The following KDM4D variants were observed in gnomAD, a reference collection of about 807,000 sequenced individuals.
The protein encoded by KDM4D is lysine demethylase 4D, also known as lysine-specific demethylase 4D.
For missense variants in KDM4D, 427 were observed against 674.8 expected (o/e 0.63, Z 4.07); for synonymous variants, 254 against 249.1 (o/e 1.02, Z -0.19).
At chr11:94,989,155 T>A (rs1294124537) in intron 2 of KDM4D, among the ~76,000 whole-genome samples, 1 of 152,120 alleles carries the variant, frequency 6.6e-6, no homozygotes, top group Non-Finnish European at 1.5e-5. Context: ...TAAAGAAAAA[T>A]TTATACATGT....
intron 2 of KDM4D, among the ~76,000 whole-genome samples, chr11:94,980,332 G>C (rs1857833243): frequency 6.6e-6 from 1 of 152,120 alleles, no homozygotes; most frequent in Non-Finnish European, 1.5e-5. Context: ...AAATCCGATG[G>C]AGCAGATATT....
intron 1 of KDM4D, among the ~76,000 whole-genome samples, chr11:94,975,022 C>T (rs1345425000): frequency 6.6e-6 from 1 of 152,236 alleles, no homozygotes; most frequent in Admixed American, 6.5e-5. Context: ...TTCCTGCCTA[C>T]CTTCCAGACT....
intron 2 of KDM4D, among the ~76,000 whole-genome samples, chr11:94,978,074 G>A (rs1818797070): frequency 6.6e-6 from 1 of 152,068 alleles, no homozygotes; most frequent in South Asian, 2.1e-4. Context: ...TTTCGGGAGA[G>A]AATCTCTAAA....
At chr11:94,975,876 T>C (rs1185876767) in intron 2 of KDM4D, 128 bp downstream of exon 2, 2 of 152,176 alleles carry the variant, frequency 1.3e-5, no homozygotes, top group Non-Finnish European at 2.9e-5. Flanking sequence ...ACTGTCCTCA[T>C]TAGCCTGGAG....
intron 2 of KDM4D, among the ~76,000 whole-genome samples, chr11:94,993,080 AACTT>A (rs1233006796): frequency 5.9e-5 from 9 of 152,108 alleles, no homozygotes; most frequent in Non-Finnish European, 1.3e-4. Flanking sequence ...GGGACTGTTA[AACTT>A]ACTCAGCTTC....
At chr11:94,993,407 A>T (rs189873453) in intron 2 of KDM4D, among the ~76,000 whole-genome samples, 128 of 152,256 alleles carry the variant, frequency 8.4e-4, no homozygotes, top group Non-Finnish European at 1.3e-3. Context: ...GAAAGAAGCA[A>T]GTAGTCTCAC....
intron 2 of KDM4D, among the ~76,000 whole-genome samples, chr11:94,988,301 A>T (rs893158944): frequency 1.3e-5 from 2 of 152,246 alleles, no homozygotes; most frequent in South Asian, 4.1e-4. Flanking sequence ...AGACTCAGAC[A>T]TGCATACTTT....
intron 2 of KDM4D, among the ~76,000 whole-genome samples, chr11:94,982,620 T>C (rs1341599375): frequency 2.6e-5 from 4 of 151,456 alleles, no homozygotes; most frequent in Non-Finnish European, 4.4e-5. Flanking sequence ...TAGAAAATAT[T>C]ATCTACGTGG....
chr11:94,999,156 T>G lies in KDM4D; in HGVS notation c.*212T>G. The G allele has an allele frequency of 2.3e-6, 1 of 431,696 alleles. No individual in the cohort carries two copies. The highest frequency in any genetic ancestry group is 4.2e-6 in the Non-Finnish European group (1 of 237,484). The allele number at this position is 431,696 out of a possible 1,614,324, so 26.7% of individuals were successfully genotyped here. A position where few individuals can be genotyped will look rare whatever the true frequency, so the allele number is the denominator to read the frequency against. On this transcript the variant is annotated 3_prime_UTR_variant, in exon 3 of 3. Transcript: ENST00000335080. ...TTCCTACCGGACCCTGGAATGTCTT[T>G]GGATATTGCTAAAATCTATTTCTGC... is the stretch of plus-strand genomic sequence containing the variant.
intron 2 of KDM4D, among the ~76,000 whole-genome samples, chr11:94,977,219 G>A (rs1181543580): frequency 6.6e-6 from 1 of 152,198 alleles, no homozygotes; most frequent in Non-Finnish European, 1.5e-5. Flanking sequence ...TCACATTACA[G>A]CATCCGATTG....
intron 2 of KDM4D, among the ~76,000 whole-genome samples, chr11:94,977,729 C>T (rs1351340138): frequency 1.3e-5 from 2 of 151,998 alleles, no homozygotes; most frequent in African/African-American, 4.8e-5. Context: ...AGTTATGTTA[C>T]ATTTATTGTC....
chr11:94,998,079 G>A lies in KDM4D; in HGVS notation c.707G>A (p.Arg236Gln), dbSNP rs201415024. The change falls in exon 3 of 3, where the codon CGG becomes CAG. Residue 236 changes from arginine to glutamine, a missense_variant. Arg to Gln is a conservative substitution (Grantham distance 43, BLOSUM62 1). Transcript: ENST00000335080. This position sits in a 1 kb window ranked among gnomAD's most constrained non-coding sequence, Gnocchi z 6.7. The part of the protein sequence containing the change: ...LARELFPGSS[R>Q]GCGAFLRHKV... ...AGGGAGCTCTTCCCAGGCAGTTCCC[G>A]GGGTTGTGGGGCCTTCCTGCGGCAC... 6.3e-5 allele frequency: 101 copies of A among 1,614,166 alleles called. No homozygotes were observed. The East Asian group carries it at 1.7e-3, about 28-fold the overall frequency.
At chr11:94,995,583 A>G (rs1857969165) in intron 2 of KDM4D, among the ~76,000 whole-genome samples, 1 of 152,180 alleles carries the variant, frequency 6.6e-6, no homozygotes, top group South Asian at 2.1e-4. Flanking sequence ...TTGAAGTTGA[A>G]TAATAGCATA....
chr11:94,998,800 G>C lies in KDM4D; in HGVS notation c.1428G>C (p.Leu476Phe). 6.2e-7 allele frequency: 1 copy of C among 1,606,268 alleles called. No homozygotes were observed. Among genetic ancestry groups the C allele is most frequent in the Non-Finnish European group, 8.5e-7 (1 of 1,174,798 alleles). ...AGACTCCAGCCAAGAGGCCCCTCTT[G>C]GCGGGCACAACATGCACAGCTTCGG... ...TLQTPAKRPL[L>F]AGTTCTASGP... The change falls in exon 3 of 3, where the codon TTG (leucine) becomes TTC (phenylalanine). Residue 476 changes from leucine (L) to phenylalanine (F), a missense_variant. Transcript: ENST00000335080. The surrounding 1 kb of genome is among the most constrained non-coding windows in gnomAD (Gnocchi z 6.7).
intron 2 of KDM4D, among the ~76,000 whole-genome samples, chr11:94,986,862 A>G (rs1416865244): frequency 2.0e-5 from 3 of 152,246 alleles, no homozygotes; most frequent in Non-Finnish European, 4.4e-5. Context: ...AAACTTGTAC[A>G]TGAATGTTCA....
Position 94,998,498 on chromosome 11 carries a change from C to G in KDM4D, c.1126C>G (p.Gln376Glu). 1 of 1,612,292 alleles carries G rather than the reference C, an allele frequency of 6.2e-7. No homozygotes were observed. The change falls in exon 3 of 3, where the codon CAA (glutamine) becomes GAA (glutamate). Residue 376 changes from glutamine to glutamate, a missense_variant. Transcript: ENST00000335080. This position sits in a 1 kb window ranked among gnomAD's most constrained non-coding sequence, Gnocchi z 6.7. ...LPRRAALGLRQLPSHWARHSP... is the reference protein window; with the variant it reads ...LPRRAALGLRELPSHWARHSP... The stretch of plus-strand genomic sequence containing the variant: ...CAGGAGAGCAGCGCTGGGCCTGAGA[C>G]AACTCCCTTCCCACTGGGCCCGGCA...
intron 2 of KDM4D, among the ~76,000 whole-genome samples, chr11:94,992,993 C>A (rs1313479887): frequency 6.6e-6 from 1 of 152,062 alleles, no homozygotes; most frequent in Admixed American, 6.6e-5. Flanking sequence ...TGTTAACAAT[C>A]CCCCACTTGA....
chr11:94,998,790 G>C lies in KDM4D; in HGVS notation c.1418G>C (p.Arg473Thr). 6.2e-7 allele frequency: 1 copy of C among 1,607,536 alleles called. No individual in the cohort carries two copies. ...QELTLQTPAK[R>T]PLLAGTTCTA... ...CTGACCCTCCAGACTCCAGCCAAGA[G>C]GCCCCTCTTGGCGGGCACAACATGC... Residue 473 changes from arginine to threonine, a missense_variant, in exon 3 of 3, where the codon AGG (arginine) becomes ACG (threonine). Arg to Thr is a moderately conservative substitution (Grantham distance 71, BLOSUM62 -1). Coordinates refer to ENST00000335080, the MANE Select transcript of KDM4D (RefSeq NM_018039.3). The surrounding 1 kb of genome is among the most constrained non-coding windows in gnomAD (Gnocchi z 6.7).
At chr11:94,992,318 T>G (rs1403777953) in intron 2 of KDM4D, among the ~76,000 whole-genome samples, 1 of 151,852 alleles carries the variant, frequency 6.6e-6, no homozygotes, top group African/African-American at 2.4e-5. Flanking sequence ...ATGTAAAATA[T>G]TCATGTAATT....
Sources: allele counts gnomAD v4.1 joint callset (sites outside exome capture counted in the v4.1 genomes callset), GRCh38; gene constraint gnomAD v4.1.1; non-coding constraint Gnocchi (gnomAD v3.1); transcripts MANE v1.5; gene names NCBI Gene and HGNC (gene_info 2026-07-23, HGNC 2026-07-21).